F2RL1: variants seen among roughly 807,000 people sequenced by gnomAD.
The protein encoded by F2RL1 is F2R like trypsin receptor 1.
F2RL1 carries 16 observed loss-of-function variants against 21.7 expected under a neutral mutation model. The ratio of observed to expected loss-of-function variants is 0.74; its 90% CI spans 0.50 to 1.12. The LOEUF (loss-of-function observed/expected upper bound fraction) is 1.12, where lower values mean the gene tolerates loss of function less well. Ranked by LOEUF, F2RL1 falls within the 50% of genes most tolerant of loss-of-function variation. The pLI is 0.00. For synonymous variants in F2RL1, 181 were observed against 186.7 expected (o/e 0.97, Z 0.25); for missense variants, 432 against 477.8 (o/e 0.90, Z 0.89).
At chr5:76,825,591 A>G (rs1388217189) in intron 1 of F2RL1, among the ~76,000 whole-genome samples, 1 of 152,176 alleles carries the variant, frequency 6.6e-6, no homozygotes, top group Non-Finnish European at 1.5e-5. Context: ...TTGTGCATTT[A>G]GTCTCTCCTC....
At chr5:76,821,030 C>T (rs1292473243) in intron 1 of F2RL1, among the ~76,000 whole-genome samples, 7 of 151,968 alleles carry the variant, frequency 4.6e-5, no homozygotes, top group Admixed American at 6.5e-5. Context: ...TTTGCTCACT[C>T]GCTTTTTAGC....
intron 1 of F2RL1, among the ~76,000 whole-genome samples, chr5:76,827,551 G>T (rs1267037123): frequency 2.0e-5 from 3 of 150,274 alleles, no homozygotes; most frequent in African/African-American, 4.9e-5. Context: ...ACAGGTTTTT[G>T]TGTGGACTCC....
chr5:76,831,719 G>C (rs142314269), intron 1 of F2RL1, among the ~76,000 whole-genome samples: 1 of 151,984 alleles, frequency 6.6e-6, no homozygotes, highest in East Asian at 1.9e-4. Context: ...ACAGAGTCAG[G>C]GTTTCGCCAT....
intron 1 of F2RL1, among the ~76,000 whole-genome samples, chr5:76,824,893 TA>T (rs1193030880): frequency 1.3e-5 from 2 of 151,892 alleles, no homozygotes; most frequent in African/African-American, 4.8e-5. Context: ...AGGTGTAAAA[TA>T]AAAAGAAAAG....
chr5:76,828,742 C>T (rs1238459964), intron 1 of F2RL1, among the ~76,000 whole-genome samples: 1 of 151,906 alleles, frequency 6.6e-6, no homozygotes, highest in Non-Finnish European at 1.5e-5. Context: ...AATCCTTCCA[C>T]GTCAGCCTCG....
intron 1 of F2RL1, among the ~76,000 whole-genome samples, chr5:76,828,784 G>A (rs376783499): frequency 6.6e-5 from 10 of 151,798 alleles, no homozygotes; most frequent in Non-Finnish European, 1.5e-4. Context: ...ATGAACAACC[G>A]TGCCTGGCTT....
intron 1 of F2RL1, among the ~76,000 whole-genome samples, chr5:76,826,996 T>G (rs773266621): frequency 3.3e-5 from 5 of 151,888 alleles, no homozygotes; most frequent in Non-Finnish European, 7.4e-5. Flanking sequence ...ACTACAAGTG[T>G]GCACCACTAT....
chr5:76,830,198 C>G (rs1177240160), intron 1 of F2RL1, among the ~76,000 whole-genome samples: 2 of 152,178 alleles, frequency 1.3e-5, no homozygotes, highest in African/African-American at 4.8e-5. Flanking sequence ...TGATGTGACT[C>G]CAATCTCTGC....
chr5:76,832,709 A>C lies in F2RL1; in HGVS notation c.102A>C (p.Lys34Asn), dbSNP rs762995620. The C allele has an allele frequency of 1.9e-6, 3 of 1,609,064 alleles. No individual in the cohort carries two copies. The highest frequency in any genetic ancestry group is 2.2e-5 in the South Asian group (2 of 90,448). The change falls in exon 2 of 2, where the codon AAA becomes AAC. Residue 34 changes from lysine to asparagine, a missense_variant. By Grantham distance (94) the Lys-to-Asn change is moderately conservative (BLOSUM62 0). Coordinates refer to ENST00000296677, the MANE Select transcript of F2RL1 (RefSeq NM_005242.6). ...GTACAGGAACCAGTAGATCCTCTAA[A>C]GGAAGAAGCCTTATTGGTAAGGTTG... ...GTIQGTSRSS[K>N]GRSLIGKVDG...
rs1215853513 is a variant in F2RL1, at chr5:76,832,687, C to T, written c.83-3C>T. ...ATGACCCTTGTCTTCCTTTCTTGTA[C>T]AGGAACCAGTAGATCCTCTAAAGGA... On this transcript the variant is annotated splice_polypyrimidine_tract_variant and splice_region_variant and intron_variant, in intron 1 of 1. Coordinates refer to ENST00000296677, the MANE Select transcript of F2RL1 (RefSeq NM_005242.6). The T allele has an allele frequency of 1.9e-6, 3 of 1,590,776 alleles. No homozygotes were observed. The highest frequency in any genetic ancestry group is 1.1e-5 in the South Asian group (1 of 87,472).
chr5:76,822,757 AC>A (rs1275905387), intron 1 of F2RL1, among the ~76,000 whole-genome samples: 1 of 151,986 alleles, frequency 6.6e-6, no homozygotes, highest in Non-Finnish European at 1.5e-5. Flanking sequence ...CACAATTGAA[AC>A]CTTTATTTTT....
At chr5:76,823,578 C>T (rs2150604978) in intron 1 of F2RL1, among the ~76,000 whole-genome samples, 1 of 152,034 alleles carries the variant, frequency 6.6e-6, no homozygotes, top group South Asian at 2.1e-4. Context: ...AGAATTTTGC[C>T]ATGTTGGCCA....
intron 1 of F2RL1, among the ~76,000 whole-genome samples, chr5:76,829,005 C>T (rs1750298425): frequency 6.6e-6 from 1 of 151,770 alleles, no homozygotes; most frequent in African/African-American, 2.4e-5. Flanking sequence ...AATCCCAGCT[C>T]CTTGGGAAGC....
Position 76,833,303 on chromosome 5 carries a change from G to A in F2RL1, c.696G>A (p.Glu232=). 3 of 1,614,000 alleles carry A rather than the reference G, an allele frequency of 1.9e-6. No homozygotes were observed. The highest frequency in any genetic ancestry group is 2.5e-6 in the Non-Finnish European group (3 of 1,180,016). The part of the protein sequence containing the change: ...NITTCHDVLP[E]QLLVGDMFNY... ...CGACCTGTCATGATGTTTTGCCTGA[G>A]CAGCTCTTGGTGGGAGACATGTTCA... Residue 232 remains glutamate (E), a synonymous_variant, in exon 2 of 2, where the codon GAG becomes GAA. Transcript: ENST00000296677.
In F2RL1 at chr5:76,833,823, G is replaced by T. The variant is rs187721390; in HGVS notation, c.*22G>T. 1,539 of 1,604,800 alleles carry T rather than the reference G, an allele frequency of 9.6e-4. 11 individuals carry two copies. The highest frequency in any genetic ancestry group is 7.4e-3 in the African/African-American group (553 of 74,638). Reference sequence around the variant, plus strand: ...TTGAGTTTTCCAGGTCCTCAGATGGGAATTGCACAGTAGGATGTGGAACCT... The same window carrying T: ...TTGAGTTTTCCAGGTCCTCAGATGGTAATTGCACAGTAGGATGTGGAACCT... On this transcript the variant is annotated 3_prime_UTR_variant, in exon 2 of 2. Transcript: ENST00000296677.
Position 76,833,140 on chromosome 5 carries a change from T to TGAACGCCATG in F2RL1, c.537_538insGCCATGGAAC (p.Pro180AlafsTer52), listed in dbSNP as rs1750383041. The TGAACGCCATG allele has an allele frequency of 6.2e-7, 1 of 1,614,100 alleles. No homozygotes were observed. Among genetic ancestry groups the TGAACGCCATG allele is most frequent in the Non-Finnish European group, 8.5e-7 (1 of 1,180,046 alleles). On this transcript the variant is annotated frameshift_variant, in exon 2 of 2. Transcript: ENST00000296677. LOFTEE classifies it high-confidence loss of function. ...AGTGTGCAGAGGTATTGGGTCATCG[T>TGAACGCCATG]GAACCCCATGGGGCACTCCAGGAAG...
intron 1 of F2RL1, among the ~76,000 whole-genome samples, chr5:76,822,110 A>ATG (rs1750146747): frequency 2.6e-5 from 4 of 152,256 alleles, no homozygotes; most frequent in Non-Finnish European, 5.9e-5. Flanking sequence ...ATATAAGCAC[A>ATG]TCAGTATCAT....
Position 76,832,800 on chromosome 5 carries a change from T to C in F2RL1, c.193T>C (p.Ser65Pro). Residue 65 changes from serine (S) to proline (P), a missense_variant, in exon 2 of 2, where the codon TCT (serine) becomes CCT (proline). Coordinates refer to ENST00000296677, the MANE Select transcript of F2RL1 (RefSeq NM_005242.6). The part of the protein sequence containing the change: ...VETVFSVDEF[S>P]ASVLTGKLTT... ...AACAGTCTTTTCTGTGGATGAGTTT[T>C]CTGCATCTGTCCTCACTGGAAAACT... 1 of 1,614,254 alleles carries C rather than the reference T, an allele frequency of 6.2e-7. No individual in the cohort carries two copies. The highest frequency in any genetic ancestry group is 8.5e-7 in the Non-Finnish European group (1 of 1,180,048).
At chr5:76,832,040 A>C (rs978049438) in intron 1 of F2RL1, among the ~76,000 whole-genome samples, 4 of 152,022 alleles carry the variant, frequency 2.6e-5, no homozygotes, top group Admixed American at 6.6e-5. Flanking sequence ...TAAAATAAAA[A>C]GAATAGCTGG....
Sources: allele counts gnomAD v4.1 joint callset (sites outside exome capture counted in the v4.1 genomes callset), GRCh38; gene constraint gnomAD v4.1.1; transcripts MANE v1.5; gene names NCBI Gene and HGNC (gene_info 2026-07-23, HGNC 2026-07-21).